The following ROBO2 variants were observed in gnomAD, a reference collection of about 807,000 sequenced individuals.
The protein encoded by ROBO2 is roundabout guidance receptor 2, also known as roundabout homolog 2.
In ROBO2, 53 loss-of-function variants were observed where a neutral mutation model predicts 160.8. That is an observed-to-expected ratio of 0.33 (90% CI 0.26 to 0.41). The LOEUF (loss-of-function observed/expected upper bound fraction) is 0.41, where lower values mean the gene tolerates loss of function less well. Ranked by LOEUF, ROBO2 falls within the 10% of genes least tolerant of loss-of-function variation. The probability of loss-of-function intolerance (pLI) is 1.00; values close to 1 mark genes in which losing one functional copy is unlikely to be tolerated. For synonymous variants in ROBO2, 664 were observed against 611.7 expected, an observed-to-expected ratio of 1.09 and a Z score of -1.26; for missense variants, 1,577 against 1,722.4, an observed-to-expected ratio of 0.92 and a Z score of 1.49.
intron 2 of ROBO2, among the ~76,000 whole-genome samples, chr3:76,612,887 G>A (rs952626054): frequency 6.6e-6 from 1 of 151,942 alleles, no homozygotes; most frequent in South Asian, 2.1e-4. Flanking sequence ...TCTGACATAA[G>A]TATAGCTACT....
At chr3:76,922,589 G>A (rs1160212847) in intron 2 of ROBO2, among the ~76,000 whole-genome samples, 2 of 152,218 alleles carry the variant, frequency 1.3e-5, no homozygotes, top group Non-Finnish European at 2.9e-5. Flanking sequence ...AGGAAGAACA[G>A]TGTACCAGGA....
chr3:76,183,220 C>T (rs1032831460), intron 2 of ROBO2, among the ~76,000 whole-genome samples: 1 of 151,594 alleles, frequency 6.6e-6, no homozygotes, highest in Non-Finnish European at 1.5e-5. Context: ...CAACTTCTTA[C>T]ATGGCAGCTC....
Position 76,006,510 on chromosome 3 carries a change from C to A in ROBO2, c.109+68908C>A, listed in dbSNP as rs371375545. Among the ~76,000 whole-genome samples, 90 of 152,260 alleles carry A rather than the reference C, an allele frequency of 5.9e-4. 1 individual carries two copies. The East Asian group carries it at 0.013, about 22-fold the overall frequency. ...ACTGTTAGTCAACTGATTCATCTAG[C>A]TATTTACCTATCCTTCTTTTGTTTT... On this transcript the variant is annotated intron_variant, in intron 2 of 26. Coordinates refer to the ROBO2 transcript ENST00000487694.
chr3:76,207,861 C>T (rs1702906567), intron 2 of ROBO2, among the ~76,000 whole-genome samples: 1 of 152,152 alleles, frequency 6.6e-6, no homozygotes, highest in South Asian at 2.1e-4. Context: ...TGTGTCCCCA[C>T]CCAAATCTCA....
intron 2 of ROBO2, among the ~76,000 whole-genome samples, chr3:76,284,364 C>T (rs931196507): frequency 2.0e-5 from 3 of 151,682 alleles, no homozygotes; most frequent in Admixed American, 1.3e-4. Context: ...TATTTTTGAT[C>T]GTTCCTTTAG....
At chr3:76,262,868 C>T (rs940759685) in intron 2 of ROBO2, among the ~76,000 whole-genome samples, 4 of 152,092 alleles carry the variant, frequency 2.6e-5, no homozygotes, top group Non-Finnish European at 5.9e-5. Context: ...CTACTGCATA[C>T]TTCTACCAAA....
intron 17 of ROBO2, among the ~76,000 whole-genome samples, chr3:77,590,036 A>T (rs576953183): frequency 6.6e-6 from 1 of 152,212 alleles, no homozygotes; most frequent in Admixed American, 6.5e-5. Flanking sequence ...ACTGCTGAGA[A>T]TGTGGAAATA....
In ROBO2 at chr3:76,060,585, C is replaced by G. The variant is rs573564062; in HGVS notation, c.109+122983C>G. ...GCTGGCAGCAATTTCTGGTTGATGA[C>G]TGTCACTGAGGATTTCCATCCCTAA... On this transcript the variant is annotated intron_variant, in intron 2 of 26. Transcript: ENST00000487694. Among the ~76,000 whole-genome samples the G allele has an allele frequency of 4.6e-5, 7 of 152,314 alleles. No individual in the cohort carries two copies. The South Asian group carries it at 1.4e-3, about 32-fold the overall frequency.
At chr3:77,610,495 G>T (rs1413537085) in intron 21 of ROBO2, among the ~76,000 whole-genome samples, 1 of 151,844 alleles carries the variant, frequency 6.6e-6, no homozygotes, top group Admixed American at 6.6e-5. Context: ...GGAAGCCAGG[G>T]GAAAGCTTGT....
intron 2 of ROBO2, among the ~76,000 whole-genome samples, chr3:76,380,262 G>C (rs2108545938): frequency 6.6e-6 from 1 of 152,086 alleles, no homozygotes; most frequent in South Asian, 2.1e-4. Context: ...GAAAGATTTG[G>C]CACACATTTC....
intron 2 of ROBO2, among the ~76,000 whole-genome samples, chr3:76,595,469 AT>A (rs1479787780): frequency 6.6e-6 from 1 of 152,076 alleles, no homozygotes; most frequent in Non-Finnish European, 1.5e-5. Context: ...CTAGATTTAC[AT>A]TCTTACTTGT....
chr3:77,326,495 A>G (rs964920040), intron 2 of ROBO2, among the ~76,000 whole-genome samples: 6 of 152,306 alleles, frequency 3.9e-5, no homozygotes, highest in African/African-American at 1.2e-4. Context: ...AATCATTTCC[A>G]TTTATATTTT....
At chr3:76,714,189 G>A (rs1576180651) in intron 2 of ROBO2, among the ~76,000 whole-genome samples, 1 of 152,086 alleles carries the variant, frequency 6.6e-6, no homozygotes, top group South Asian at 2.1e-4. Context: ...CCCATGTGCA[G>A]CGTATACATT....
chr3:76,712,638 G>A (rs1032733420), intron 2 of ROBO2, among the ~76,000 whole-genome samples: 7 of 151,602 alleles, frequency 4.6e-5, no homozygotes, highest in Non-Finnish European at 8.8e-5. Context: ...TCATGCTGCT[G>A]CACTCCAGCC....
chr3:75,990,979 C>G (rs1365208005), intron 2 of ROBO2, among the ~76,000 whole-genome samples: 2 of 152,106 alleles, frequency 1.3e-5, no homozygotes, highest in Non-Finnish European at 2.9e-5. Context: ...TGTGAATTTG[C>G]TCTAACTGGG....
At chr3:76,223,393 G>T (rs952111444) in intron 2 of ROBO2, among the ~76,000 whole-genome samples, 3 of 151,852 alleles carry the variant, frequency 2.0e-5, no homozygotes, top group African/African-American at 7.3e-5. Context: ...AGGTAGGGGG[G>T]TAGGGAGGCC....
chr3:77,044,720 C>A lies in ROBO2; in HGVS notation c.61+3874C>A, dbSNP rs183476665. Among the ~76,000 whole-genome samples, 355 of 152,240 alleles carry A rather than the reference C, an allele frequency of 2.3e-3. 5 individuals carry two copies. Among genetic ancestry groups the A allele is most frequent in the African/African-American group, 7.8e-3 (326 of 41,546 alleles). On this transcript the variant is annotated intron_variant, in intron 1 of 25. Transcript: ENST00000461745. ...TGGGATTTTGACTTTCTCACTTTTA[C>A]CCCACAATACTATATATAGCTTTAT...
chr3:75,946,213 A>G (rs978428255), intron 2 of ROBO2, among the ~76,000 whole-genome samples: 1 of 152,172 alleles, frequency 6.6e-6, no homozygotes, highest in Admixed American at 6.6e-5. Context: ...AATGATGTAC[A>G]TGTTAATATT....
intron 2 of ROBO2, among the ~76,000 whole-genome samples, chr3:76,731,410 A>C (rs1333571958): frequency 6.6e-6 from 1 of 152,200 alleles, no homozygotes; most frequent in Non-Finnish European, 1.5e-5. Context: ...TTTTCCAGGC[A>C]AATCCTATGA....
Sources: gnomAD v4.1 joint callset for allele counts (sites outside exome capture counted in the v4.1 genomes callset) on GRCh38, gnomAD v4.1.1 for gene constraint, MANE v1.5 for transcripts, NCBI Gene and HGNC (gene_info 2026-07-23, HGNC 2026-07-21) for gene names.